The following DCDC2 variants were observed in gnomAD, a reference collection of about 807,000 sequenced individuals.
DCDC2 encodes the protein doublecortin domain containing 2.
Under a neutral mutation model 50.2 loss-of-function variants are expected in DCDC2, and 40 were observed. That is an observed-to-expected ratio of 0.80 (90% CI 0.62 to 1.04). The LOEUF is 1.04. Among genes scored for constraint, DCDC2 ranks in the 50% least tolerant of loss-of-function variants. The pLI, the probability that DCDC2 is intolerant of heterozygous loss-of-function variation, is 0.00. For synonymous variants in DCDC2, 234 were observed against 210.6 expected (o/e 1.11, Z -0.96); for missense variants, 570 against 581.9 (o/e 0.98, Z 0.21).
At chr6:24,203,396 T>C (rs539539612) in intron 8 of DCDC2, among the ~76,000 whole-genome samples, 3 of 152,328 alleles carry the variant, frequency 2.0e-5, no homozygotes, top group Non-Finnish European at 2.9e-5. Flanking sequence ...AAGGATTCCC[T>C]ATGTAATAAA....
intron 5 of DCDC2, among the ~76,000 whole-genome samples, chr6:24,290,235 C>T (rs1459614401): frequency 1.3e-5 from 2 of 151,354 alleles, no homozygotes; most frequent in Non-Finnish European, 1.5e-5. Flanking sequence ...CCTCGTGATC[C>T]GCCCGCCTCG....
intron 7 of DCDC2, among the ~76,000 whole-genome samples, chr6:24,218,749 A>T (rs1469179711): frequency 6.6e-6 from 1 of 152,212 alleles, no homozygotes; most frequent in Admixed American, 6.5e-5. Context: ...TCAACCTCCC[A>T]AAGTGCCGGG....
chr6:24,304,653 C>T (rs1013153541), intron 2 of DCDC2, among the ~76,000 whole-genome samples: 3 of 152,186 alleles, frequency 2.0e-5, no homozygotes, highest in African/African-American at 4.8e-5. Flanking sequence ...TCTGTACATA[C>T]ACATGCATAT....
chr6:24,376,346 G>A, the DCDC2 span, among the ~76,000 whole-genome samples: 11 of 152,210 alleles, frequency 7.2e-5, no homozygotes, highest in East Asian at 3.9e-4. Context: ...GAGCAGAGTC[G>A]TCTTGGCAGG....
intron 8 of DCDC2, among the ~76,000 whole-genome samples, chr6:24,179,991 C>T (rs183703800): frequency 6.8e-6 from 1 of 146,886 alleles, no homozygotes; most frequent in South Asian, 2.2e-4. Context: ...GGGGAGGGAA[C>T]AGGAGGCCAG....
At chr6:24,236,897 C>G (rs1762451169) in intron 7 of DCDC2, among the ~76,000 whole-genome samples, 1 of 151,840 alleles carries the variant, frequency 6.6e-6, no homozygotes, top group South Asian at 2.1e-4. Flanking sequence ...GTAATCTGGC[C>G]ACTTGGGGGG....
chr6:24,306,543 T>TAGATAGAC lies in DCDC2; in HGVS notation c.349-4500_349-4499insGTCTATCT, dbSNP rs1209633765. 6.9e-3 allele frequency among the ~76,000 whole-genome samples: 800 copies of TAGATAGAC among 115,644 alleles called. 5 individuals carry two copies. The highest frequency in any genetic ancestry group is 0.024 in the East Asian group (89 of 3,692). 75.9% of individuals were successfully genotyped at this position (115,644 alleles called of 152,430 possible). The stretch of plus-strand genomic sequence containing the variant: ...ATAGATAGATAGATAGATAGATAGA[T>TAGATAGAC]AGACAGACAGACAGACAGACAGACA... On this transcript the variant is annotated intron_variant, in intron 2 of 9. Coordinates refer to ENST00000378454, the MANE Select transcript of DCDC2 (RefSeq NM_016356.5).
chr6:24,359,878 A>G (rs1760634439), upstream of DCDC2, among the ~76,000 whole-genome samples: 1 of 152,170 alleles, frequency 6.6e-6, no homozygotes, highest in Non-Finnish European at 1.5e-5. Context: ...TCGGGTGCGC[A>G]TCACGTGAAG....
chr6:24,204,875 C>G (rs1761673844), intron 8 of DCDC2, 127 bp downstream of exon 8: 2 of 825,774 alleles, frequency 2.4e-6, no homozygotes, highest in Non-Finnish European at 3.8e-6. Context: ...TAAGGTTGAT[C>G]AGCCACATAG....
intron 8 of DCDC2, among the ~76,000 whole-genome samples, chr6:24,193,156 TTGA>T (rs979150149): frequency 2.0e-5 from 3 of 152,108 alleles, no homozygotes; most frequent in Admixed American, 2.0e-4. Context: ...ACAGTCAAGT[TTGA>T]TTAGAGAAAA....
intron 2 of DCDC2, among the ~76,000 whole-genome samples, chr6:24,342,264 C>T (rs1165974705): frequency 6.6e-6 from 1 of 152,220 alleles, no homozygotes; most frequent in Non-Finnish European, 1.5e-5. Context: ...AGGAATATTC[C>T]TCAAACCCTT....
Position 24,278,035 on chromosome 6 carries a change from A to T in DCDC2, c.922+14T>A, listed in dbSNP as rs1332619367. On this transcript the variant is annotated intron_variant, in intron 7 of 9. Transcript: ENST00000378454. The stretch of plus-strand genomic sequence containing the variant: ...AATTGTATCACAGCCTTAAGATAAT[A>T]ATAACACACTTACCACTATTTGGAA... The T allele has an allele frequency of 6.3e-7, 1 of 1,592,226 alleles. No homozygotes were observed. Among genetic ancestry groups the T allele is most frequent in the Admixed American group, 1.7e-5 (1 of 58,876 alleles).
At chr6:24,247,635 A>G (rs572790011) in intron 7 of DCDC2, among the ~76,000 whole-genome samples, 108 of 152,314 alleles carry the variant, frequency 7.1e-4, no homozygotes, top group African/African-American at 2.6e-3. Flanking sequence ...GCTCCTTTCA[A>G]TTCAAATAAG....
the DCDC2 span, among the ~76,000 whole-genome samples, chr6:24,371,291 A>G: frequency 0.014 from 1,991 of 139,894 alleles, 44 homozygotes; most frequent in African/African-American, 0.046. Flanking sequence ...AAAAAAAAAA[A>G]AAGAAAAGAA....
chr6:24,236,255 T>C (rs541109302), intron 7 of DCDC2, among the ~76,000 whole-genome samples: 2 of 152,188 alleles, frequency 1.3e-5, no homozygotes, highest in South Asian at 4.2e-4. Flanking sequence ...ATGGAACAGA[T>C]AGAGAACCCA....
chr6:24,179,108 C>G (rs1020592305), intron 8 of DCDC2, among the ~76,000 whole-genome samples: 1 of 152,142 alleles, frequency 6.6e-6, no homozygotes, highest in African/African-American at 2.4e-5. Context: ...GCAATGGCAC[C>G]AGGCTGTGAA....
chr6:24,332,672 AGTTT>A (rs954445678), intron 2 of DCDC2, among the ~76,000 whole-genome samples: 21 of 152,304 alleles, frequency 1.4e-4, no homozygotes, highest in East Asian at 5.8e-4. Flanking sequence ...TAATTGGAAC[AGTTT>A]GTTTGTTTTT....
At chr6:24,353,439 C>T (rs1485153635) in intron 2 of DCDC2, 130 bp downstream of exon 2, 1 of 666,490 alleles carries the variant, frequency 1.5e-6, no homozygotes. Flanking sequence ...TGCCTTAAAA[C>T]ATATAATGTT....
rs138081808 is a variant in DCDC2, at chr6:24,238,362, G to A, written c.923-33260C>T. ...TGCCCAGGCTGGAGTGTGGTGGCAC[G>A]ATCTTGGCTCACTGCAACCTCCGCC... On this transcript the variant is annotated intron_variant, in intron 7 of 9. Coordinates refer to ENST00000378454, the MANE Select transcript of DCDC2 (RefSeq NM_016356.5). Among the ~76,000 whole-genome samples, 857 of 150,872 alleles carry A rather than the reference G, an allele frequency of 5.7e-3. 11 individuals carry two copies. Among genetic ancestry groups the A allele is most frequent in the African/African-American group, 0.02 (807 of 40,972 alleles).
Sources: gnomAD v4.1 joint callset for allele counts (sites outside exome capture counted in the v4.1 genomes callset) on GRCh38, gnomAD v4.1.1 for gene constraint, MANE v1.5 for transcripts, NCBI Gene and HGNC (gene_info 2026-07-23, HGNC 2026-07-21) for gene names.